The following TAFA4 variants were observed in gnomAD, a reference collection of about 807,000 sequenced individuals.
TAFA4 encodes TAFA chemokine like family member 4, also known as chemokine-like protein TAFA-4.
In TAFA4, 20 loss-of-function variants were observed where a neutral mutation model predicts 21.1. That is an observed-to-expected ratio of 0.95 (90% confidence interval 0.67 to 1.38). The LOEUF is 1.38. Ranked by LOEUF, TAFA4 falls within the 40% of genes most tolerant of loss-of-function variation. The probability of loss-of-function intolerance (pLI) is 0.00; values close to 1 mark genes in which losing one functional copy is unlikely to be tolerated. For missense variants in TAFA4, 211 were observed against 180.9 expected, an observed-to-expected ratio of 1.17 and a Z score of -0.95; for synonymous variants, 71 against 67.4, an observed-to-expected ratio of 1.05 and a Z score of -0.26.
chr3:68,917,481 A>G (rs1318390366), intron 1 of TAFA4, among the ~76,000 whole-genome samples: 2 of 151,910 alleles, frequency 1.3e-5, no homozygotes, highest in East Asian at 1.9e-4. Flanking sequence ...ACGACCGGGC[A>G]TGGTGGCTCA....
intron 3 of TAFA4, among the ~76,000 whole-genome samples, chr3:68,763,868 C>CTACACACACACACACACA (rs1702801432): frequency 2.9e-5 from 2 of 68,702 alleles, no homozygotes; most frequent in Non-Finnish European, 7.3e-5. Context: ...GTATGACAGA[C>CTACACACACACACACACA]TACACACACA....
chr3:68,813,825 C>T (rs1703899203), intron 3 of TAFA4, among the ~76,000 whole-genome samples: 1 of 152,128 alleles, frequency 6.6e-6, no homozygotes, highest in African/African-American at 2.4e-5. Flanking sequence ...ATGAGGACAG[C>T]ATCATCCTGA....
At chr3:68,830,214 T>C (rs1217262348) in intron 3 of TAFA4, among the ~76,000 whole-genome samples, 2 of 152,188 alleles carry the variant, frequency 1.3e-5, no homozygotes, top group Non-Finnish European at 2.9e-5. Context: ...CTTAGTTATT[T>C]CTTGTCTTCT....
intron 1 of TAFA4, among the ~76,000 whole-genome samples, chr3:68,903,428 T>C (rs899884553): frequency 6.6e-6 from 1 of 152,244 alleles, no homozygotes; most frequent in Non-Finnish European, 1.5e-5. Flanking sequence ...AAATCATAGG[T>C]ACTTTCAAAT....
At chr3:68,925,700 GC>G (rs1297092392) in intron 1 of TAFA4, among the ~76,000 whole-genome samples, 1 of 152,142 alleles carries the variant, frequency 6.6e-6, no homozygotes, top group Non-Finnish European at 1.5e-5. Flanking sequence ...ATAACATATA[GC>G]CATGAAAAAG....
rs1702160987 is a variant in TAFA4, at chr3:68,732,219, G to A, written c.*923C>T. The stretch of plus-strand genomic sequence containing the variant: ...AGAAGTAGGGAAACAGCTAAGTTAA[G>A]AAGAACTCATTTACAGTCTAAAAAT... On this transcript the variant is annotated 3_prime_UTR_variant, in exon 6 of 6. Coordinates refer to ENST00000295569, the MANE Select transcript of TAFA4 (RefSeq NM_182522.5). 6.6e-6 allele frequency: 1 copy of A among 152,514 alleles called. No homozygotes were observed. Among genetic ancestry groups the A allele is most frequent in the Admixed American group, 6.6e-5 (1 of 15,254 alleles). The allele number at this position is 152,514 out of a possible 1,614,324, so 9.4% of individuals were successfully genotyped here. A position where few individuals can be genotyped will look rare whatever the true frequency, so the allele number is the denominator to read the frequency against.
At chr3:68,804,259 C>A (rs1703637768) in intron 3 of TAFA4, among the ~76,000 whole-genome samples, 2 of 151,974 alleles carry the variant, frequency 1.3e-5, no homozygotes, top group South Asian at 4.1e-4. Context: ...GTATCAGTTA[C>A]ACATAAAACA....
At chr3:68,893,698 C>T (rs2089756111) in intron 1 of TAFA4, among the ~76,000 whole-genome samples, 1 of 152,190 alleles carries the variant, frequency 6.6e-6, no homozygotes, top group South Asian at 2.1e-4. Flanking sequence ...GAGTGGATTA[C>T]ATGGCAAGAC....
At chr3:68,758,268 G>C (rs1363104032) in intron 3 of TAFA4, among the ~76,000 whole-genome samples, 1 of 152,156 alleles carries the variant, frequency 6.6e-6, no homozygotes, top group Non-Finnish European at 1.5e-5. Flanking sequence ...TTGTGTATTG[G>C]TGACAGTGGA....
At chr3:68,765,881 T>A (rs999150531) in intron 3 of TAFA4, among the ~76,000 whole-genome samples, 2 of 152,024 alleles carry the variant, frequency 1.3e-5, no homozygotes, top group African/African-American at 4.8e-5. Context: ...CCTCAATAGG[T>A]GCTTCAATGC....
chr3:68,762,181 G>A (rs1702768182), intron 3 of TAFA4, among the ~76,000 whole-genome samples: 1 of 145,976 alleles, frequency 6.9e-6, no homozygotes, highest in African/African-American at 2.6e-5. Context: ...TAAGAGCTGG[G>A]AAAGCCATTG....
intron 4 of TAFA4, among the ~76,000 whole-genome samples, chr3:68,751,617 A>G (rs964239920): frequency 6.6e-6 from 1 of 152,222 alleles, no homozygotes; most frequent in Non-Finnish European, 1.5e-5. Context: ...TCCTTTATCA[A>G]TAATCCCCAA....
intron 5 of TAFA4, 88 bp from the exon 6 acceptor site, chr3:68,733,241 T>A: frequency 6.7e-7 from 1 of 1,496,932 alleles, no homozygotes; most frequent in South Asian, 1.3e-5. Context: ...AGGTCCTGAC[T>A]GTGAATACTT....
intron 1 of TAFA4, among the ~76,000 whole-genome samples, chr3:68,927,301 A>G (rs2090117360): frequency 1.3e-5 from 2 of 152,252 alleles, no homozygotes; most frequent in African/African-American, 2.4e-5. Context: ...ATGAAATAGA[A>G]ATGAAGAAAA....
At chr3:68,822,907 A>G (rs1483736462) in intron 3 of TAFA4, among the ~76,000 whole-genome samples, 2 of 152,212 alleles carry the variant, frequency 1.3e-5, no homozygotes, top group Non-Finnish European at 2.9e-5. Context: ...AGTCTGCTTT[A>G]CAAATAACAT....
chr3:68,841,539 T>G (rs1000904701), intron 3 of TAFA4, among the ~76,000 whole-genome samples: 3 of 152,108 alleles, frequency 2.0e-5, no homozygotes, highest in African/African-American at 7.2e-5. Context: ...CTAGAGGGGT[T>G]TAAGAGGAAC....
intron 3 of TAFA4, among the ~76,000 whole-genome samples, chr3:68,806,725 T>A (rs1227857943): frequency 8.5e-5 from 13 of 152,188 alleles, no homozygotes; most frequent in African/African-American, 2.4e-5. Flanking sequence ...ATGAATGCAA[T>A]CAGTGCCCTT....
intron 3 of TAFA4, among the ~76,000 whole-genome samples, chr3:68,776,904 AAAG>A (rs1162369931): frequency 6.6e-6 from 1 of 152,122 alleles, no homozygotes; most frequent in Admixed American, 6.5e-5. Flanking sequence ...TCATCAAGTC[AAAG>A]AAGAAATAGC....
At chr3:68,927,819 G>T (rs1026349576) in intron 1 of TAFA4, among the ~76,000 whole-genome samples, 2 of 151,554 alleles carry the variant, frequency 1.3e-5, no homozygotes, top group African/African-American at 4.9e-5. Context: ...GATTGCTTTA[G>T]CCCAGGAGGT....
Sources: gnomAD v4.1 joint callset for allele counts (sites outside exome capture counted in the v4.1 genomes callset) on GRCh38, gnomAD v4.1.1 for gene constraint, MANE v1.5 for transcripts, NCBI Gene and HGNC (gene_info 2026-07-23, HGNC 2026-07-21) for gene names.